The following GPC6 variants were observed in gnomAD, a reference collection of about 807,000 sequenced individuals.
GPC6 encodes the protein glypican-6.
In GPC6, 14 loss-of-function variants were observed where a neutral mutation model predicts 55.2. The ratio of observed to expected loss-of-function variants is 0.25; its 90% CI spans 0.17 to 0.40. The LOEUF is 0.40. Among genes scored for constraint, GPC6 ranks in the 10% least tolerant of loss-of-function variants. The probability of loss-of-function intolerance (pLI) is 1.00; values close to 1 mark genes in which losing one functional copy is unlikely to be tolerated. For missense variants in GPC6, 641 were observed against 708.5 expected (o/e 0.90, Z 1.08); for synonymous variants, 278 against 259.6 (o/e 1.07, Z -0.68).
At chr13:94,113,929 C>T (rs892558612) in intron 4 of GPC6, among the ~76,000 whole-genome samples, 6 of 147,840 alleles carry the variant, frequency 4.1e-5, no homozygotes, top group African/African-American at 1.5e-4. Flanking sequence ...GGCTGAGGCA[C>T]GAGAATCACT....
At chr13:93,698,904 C>T (rs1882572461) in intron 2 of GPC6, among the ~76,000 whole-genome samples, 1 of 151,944 alleles carries the variant, frequency 6.6e-6, no homozygotes, top group Non-Finnish European at 1.5e-5. Context: ...GAACTACTCA[C>T]ATATCGGAAA....
At chr13:94,349,387 C>A (rs2139166255) in intron 6 of GPC6, among the ~76,000 whole-genome samples, 1 of 152,256 alleles carries the variant, frequency 6.6e-6, no homozygotes, top group South Asian at 2.1e-4. Context: ...TCAGCTTCTT[C>A]ATCTCCAACT....
At position 94,130,165 on chromosome 13, in the gene GPC6, A is replaced by G. The variant is rs532273130; in HGVS notation, c.877+102271A>G. ...CAGATGAACACACATGCAATATTTGAAGGATTTAAAGTTTATTTTTTTCTT... is the reference window on the plus strand; with the variant it reads ...CAGATGAACACACATGCAATATTTGGAGGATTTAAAGTTTATTTTTTTCTT... On this transcript the variant is annotated intron_variant, in intron 4 of 8. Coordinates refer to ENST00000377047, the MANE Select transcript of GPC6 (RefSeq NM_005708.5). Among the ~76,000 whole-genome samples the G allele has an allele frequency of 3.9e-5, 6 of 152,256 alleles. No individual in the cohort carries two copies. The East Asian group carries it at 1.2e-3, about 29-fold the overall frequency.
At chr13:93,659,343 C>T (rs938225451) in intron 2 of GPC6, among the ~76,000 whole-genome samples, 1 of 151,874 alleles carries the variant, frequency 6.6e-6, no homozygotes, top group Non-Finnish European at 1.5e-5. Context: ...CTCCATCGTA[C>T]TATTCTTTTA....
chr13:93,728,866 C>A (rs1182744831), intron 2 of GPC6, among the ~76,000 whole-genome samples: 1 of 152,132 alleles, frequency 6.6e-6, no homozygotes, highest in Admixed American at 6.6e-5. Flanking sequence ...CTGCGCCCAG[C>A]CTTATTTTCT....
intron 1 of GPC6, among the ~76,000 whole-genome samples, chr13:93,490,456 A>G (rs367689072): frequency 1.3e-4 from 1 of 7,442 alleles, no homozygotes; most frequent in African/African-American, 3.9e-4. Context: ...CACTATTATT[A>G]TTTCTTTTTT....
intron 2 of GPC6, among the ~76,000 whole-genome samples, chr13:93,781,745 T>G (rs899134818): frequency 1.3e-5 from 2 of 152,192 alleles, no homozygotes; most frequent in African/African-American, 4.8e-5. Context: ...GAAAATATTT[T>G]ATATGTACTT....
At chr13:93,513,012 T>C (rs1881042837) in intron 1 of GPC6, among the ~76,000 whole-genome samples, 1 of 152,208 alleles carries the variant, frequency 6.6e-6, no homozygotes, top group African/African-American at 2.4e-5. Context: ...TATTCATGGC[T>C]GATCTGTATC....
chr13:93,760,346 C>T (rs1884917346), intron 2 of GPC6, among the ~76,000 whole-genome samples: 1 of 152,196 alleles, frequency 6.6e-6, no homozygotes, highest in Admixed American at 6.5e-5. Flanking sequence ...GAGTTAATTA[C>T]ACCCTGAGCA....
At chr13:94,136,874 A>G (rs61962315) in intron 4 of GPC6, among the ~76,000 whole-genome samples, 26,569 of 152,110 alleles carry the variant, frequency 0.17, 2,738 homozygotes, top group Non-Finnish European at 0.23. Context: ...TAGGGAGAAA[A>G]TAGGAAGAGA....
chr13:93,337,264 A>G (rs1880079203), intron 1 of GPC6, among the ~76,000 whole-genome samples: 1 of 152,222 alleles, frequency 6.6e-6, no homozygotes, highest in Non-Finnish European at 1.5e-5. Context: ...AGTGTATTAT[A>G]GAGGCTAAGA....
intron 3 of GPC6, among the ~76,000 whole-genome samples, chr13:94,004,451 G>A (rs1054119312): frequency 6.6e-6 from 1 of 152,000 alleles, no homozygotes; most frequent in Non-Finnish European, 1.5e-5. Flanking sequence ...AAAATTCAAG[G>A]GCTGGATTGG....
At position 94,080,058 on chromosome 13, in the gene GPC6, T is replaced by C. The variant is rs1885051289; in HGVS notation, c.877+52164T>C. 2.0e-5 allele frequency among the ~76,000 whole-genome samples: 3 copies of C among 152,332 alleles called. No homozygotes were observed. The South Asian group carries it at 6.2e-4, about 32-fold the overall frequency. On this transcript the variant is annotated intron_variant, in intron 4 of 8. Transcript: ENST00000377047. ...CACTTTCCCTCTTTCTGGGACAACA[T>C]AATGCAATTATTTACAAGAATCCCA...
intron 2 of GPC6, among the ~76,000 whole-genome samples, chr13:93,711,169 A>T (rs1392364499): frequency 2.6e-5 from 4 of 151,802 alleles, no homozygotes. Flanking sequence ...CTGAAAGAAG[A>T]GATGACATTA....
intron 1 of GPC6, among the ~76,000 whole-genome samples, chr13:93,372,226 G>T (rs4001857): frequency 1.6e-5 from 1 of 60,626 alleles, no homozygotes; most frequent in African/African-American, 3.7e-5. Flanking sequence ...ATCTAAAAAA[G>T]ATTTGTAGTA....
chr13:93,315,749 G>A (rs1294031988), intron 1 of GPC6, among the ~76,000 whole-genome samples: 1 of 114,350 alleles, frequency 8.7e-6, no homozygotes, highest in African/African-American at 3.4e-5. Context: ...GAGCAAACAT[G>A]TTTTCTTCAA....
At position 93,235,115 on chromosome 13, in the gene GPC6, C is replaced by G. The variant is rs114346100; in HGVS notation, c.160+7499C>G. ...TTTGGTACTTAAGCTACTGACATAG[C>G]ATTGTTTTAATCTAAGTACCAAATA... On this transcript the variant is annotated intron_variant, in intron 1 of 8. Coordinates refer to ENST00000377047, the MANE Select transcript of GPC6 (RefSeq NM_005708.5). Among the ~76,000 whole-genome samples the G allele has an allele frequency of 4.3e-3, 661 of 152,134 alleles. 5 individuals are homozygous for G. Among genetic ancestry groups the G allele is most frequent in the African/African-American group, 0.015 (642 of 41,498 alleles).
At chr13:93,875,199 C>G (rs781000920) in intron 3 of GPC6, among the ~76,000 whole-genome samples, 1 of 151,910 alleles carries the variant, frequency 6.6e-6, no homozygotes, top group Non-Finnish European at 1.5e-5. Flanking sequence ...CCTCAATTTC[C>G]ATTTTGTTTC....
intron 1 of GPC6, among the ~76,000 whole-genome samples, chr13:93,438,891 G>A (rs534622628): frequency 6.6e-6 from 1 of 152,144 alleles, no homozygotes; most frequent in South Asian, 2.1e-4. Context: ...ACATTTTATT[G>A]TTGTCCTATT....
Sources: gnomAD v4.1 joint callset for allele counts (sites outside exome capture counted in the v4.1 genomes callset) on GRCh38, gnomAD v4.1.1 for gene constraint, MANE v1.5 for transcripts, NCBI Gene and HGNC (gene_info 2026-07-23, HGNC 2026-07-21) for gene names.